The following DHRSX variants were observed in gnomAD, a reference collection of about 807,000 sequenced individuals.
DHRSX encodes the protein dehydrogenase/reductase X-linked.
DHRSX carries 31 observed loss-of-function variants against 34.0 expected under a neutral mutation model. The ratio of observed to expected loss-of-function variants is 0.91; its 90% CI spans 0.69 to 1.23. DHRSX has a LOEUF of 1.23. Ranked by LOEUF, DHRSX falls within the 50% of genes most tolerant of loss-of-function variation. The pLI is 0.00. For synonymous variants in DHRSX, 201 were observed against 183.8 expected, an observed-to-expected ratio of 1.09 and a Z score of -0.76; for missense variants, 414 against 428.1, an observed-to-expected ratio of 0.97 and a Z score of 0.29.
intron 6 of DHRSX, among the ~76,000 whole-genome samples, chrX:2,225,105 C>G (rs994653538): frequency 1.3e-5 from 2 of 149,930 alleles, no homozygotes; most frequent in Non-Finnish European, 3.0e-5. Context: ...GCACACAGCT[C>G]ACACACATGC....
chrX:2,379,708 G>A (rs898238246), intron 3 of DHRSX, among the ~76,000 whole-genome samples: 18 of 151,014 alleles, frequency 1.2e-4, no homozygotes, highest in Admixed American at 5.3e-4. Context: ...CAGTGTGGGG[G>A]GCATCCAAAA....
At chrX:2,460,242 C>T (rs999829216) in intron 1 of DHRSX, among the ~76,000 whole-genome samples, 1 of 152,094 alleles carries the variant, frequency 6.6e-6, no homozygotes, top group Non-Finnish European at 1.5e-5. Flanking sequence ...CGGGCCTGCT[C>T]AGGAGGGTTG....
At chrX:2,488,844 C>T (rs1337102058) in intron 1 of DHRSX, 1 of 1,613,672 alleles carries the variant, frequency 6.2e-7, no homozygotes, top group South Asian at 1.1e-5. Context: ...ACCACGTTGG[C>T]GGCGGATCCG....
chrX:2,381,797 CAAAAAAAAAA>C (rs767319246), intron 3 of DHRSX, among the ~76,000 whole-genome samples: 14 of 81,614 alleles, frequency 1.7e-4, no homozygotes, highest in African/African-American at 4.5e-4. Flanking sequence ...AAGCCACAAC[CAAAAAAAAAA>C]AAAAAAAAAA....
chrX:2,379,775 G>A (rs1011526179), intron 3 of DHRSX, among the ~76,000 whole-genome samples: 12 of 151,794 alleles, frequency 7.9e-5, no homozygotes, highest in African/African-American at 2.7e-4. Flanking sequence ...AATGATGTCT[G>A]GTGGCATCAC....
At chrX:2,311,074 AAAG>A (rs1279777976) in intron 3 of DHRSX, among the ~76,000 whole-genome samples, 108 of 151,634 alleles carry the variant, frequency 7.1e-4, no homozygotes, top group Admixed American at 2.2e-3. Flanking sequence ...AAAAAAAAAA[AAAG>A]AGAGACAGAA....
intron 6 of DHRSX, among the ~76,000 whole-genome samples, chrX:2,225,270 G>A (rs190802811): frequency 2.2e-4 from 32 of 147,928 alleles, no homozygotes; most frequent in Non-Finnish European, 4.0e-4. Flanking sequence ...CATGCACACA[G>A]CTCACACACA....
At chrX:2,267,252 C>T (rs537178077) in intron 4 of DHRSX, among the ~76,000 whole-genome samples, 5 of 152,194 alleles carry the variant, frequency 3.3e-5, no homozygotes, top group African/African-American at 4.8e-5. Context: ...GAGGCTGAGG[C>T]GGGTGGATCA....
chrX:2,298,614 A>ACACACGCACACACACACACACACACACG (rs1556457250), intron 3 of DHRSX, among the ~76,000 whole-genome samples: 1 of 83,006 alleles, frequency 1.2e-5, no homozygotes, highest in South Asian at 4.4e-4. Flanking sequence ...ACACACACAC[A>ACACACGCACACACACACACACACACACG]CACACACACA....
At chrX:2,490,386 C>T (rs774599670) in intron 1 of DHRSX, 98 of 1,613,668 alleles carry the variant, frequency 6.1e-5, no homozygotes, top group Non-Finnish European at 6.8e-5. Context: ...CCGGCCTTGA[C>T]GGCCAGCGCG....
intron 1 of DHRSX, among the ~76,000 whole-genome samples, chrX:2,482,068 C>T (rs1370887799): frequency 1.3e-5 from 2 of 150,122 alleles, no homozygotes; most frequent in Non-Finnish European, 3.0e-5. Flanking sequence ...TGGGCTCAAG[C>T]GATCCTTCAG....
At chrX:2,489,610 G>A (rs1393805301) in intron 1 of DHRSX, 1 of 1,612,692 alleles carries the variant, frequency 6.2e-7, no homozygotes, top group Admixed American at 1.7e-5. Context: ...CCCCGGCGAT[G>A]ACGAACTGCT....
chrX:2,329,254 C>T (rs770804930), intron 3 of DHRSX, among the ~76,000 whole-genome samples: 13 of 152,094 alleles, frequency 8.5e-5, no homozygotes, highest in African/African-American at 2.4e-4. Context: ...TCCATGACAT[C>T]GGTCTACTCA....
At chrX:2,318,475 G>A (rs1267116103) in intron 3 of DHRSX, among the ~76,000 whole-genome samples, 2 of 152,122 alleles carry the variant, frequency 1.3e-5, no homozygotes, top group Admixed American at 6.6e-5. Flanking sequence ...TAAAGAAGCT[G>A]GCCAAACCCC....
chrX:2,467,465 A>G (rs1808759844), intron 1 of DHRSX, among the ~76,000 whole-genome samples: 1 of 152,294 alleles, frequency 6.6e-6, no homozygotes, highest in South Asian at 2.1e-4. Flanking sequence ...CCCCAGAAAC[A>G]AGAGACAGGA....
At chrX:2,331,038 T>TG (rs1569489912) in intron 3 of DHRSX, among the ~76,000 whole-genome samples, 1 of 152,094 alleles carries the variant, frequency 6.6e-6, no homozygotes, top group Non-Finnish European at 1.5e-5. Context: ...TGTCCAGTAA[T>TG]GGGGTAGAGC....
intron 2 of DHRSX, among the ~76,000 whole-genome samples, chrX:2,411,732 GAAAACAAAAC>G (rs887348052): frequency 7.4e-6 from 1 of 134,256 alleles, no homozygotes; most frequent in Non-Finnish European, 1.6e-5. Context: ...ATCTCAAAAA[GAAAACAAAAC>G]AAAACAAAAC....
intron 1 of DHRSX, chrX:2,488,297 C>T (rs1414534557): frequency 3.8e-6 from 1 of 266,600 alleles, no homozygotes; most frequent in Non-Finnish European, 7.0e-6. Flanking sequence ...TGGCCTCAGC[C>T]TCCAGAAGCT....
chrX:2,465,943 G>T (rs2044488412), intron 1 of DHRSX, among the ~76,000 whole-genome samples: 1 of 152,130 alleles, frequency 6.6e-6, no homozygotes, highest in Admixed American at 6.5e-5. Flanking sequence ...AATCTACCAG[G>T]AAATTGCAAT....
Sources: gnomAD v4.1 joint callset for allele counts (sites outside exome capture counted in the v4.1 genomes callset) on GRCh38, gnomAD v4.1.1 for gene constraint, MANE v1.5 for transcripts, NCBI Gene and HGNC (gene_info 2026-07-23, HGNC 2026-07-21) for gene names.